The following TENM3 variants were observed in gnomAD, a reference collection of about 807,000 sequenced individuals.
TENM3 encodes teneurin-3.
TENM3 carries 63 observed loss-of-function variants against 255.1 expected under a neutral mutation model. The observed-to-expected ratio is 0.25, with a 90% CI of 0.20 to 0.30. The LOEUF is 0.30. Among genes scored for constraint, TENM3 ranks in the 10% least tolerant of loss-of-function variants. The pLI is 1.00. For synonymous variants in TENM3, 1,306 were observed against 1,322.3 expected (o/e 0.99, Z 0.27); for missense variants, 2,929 against 3,461.1 (o/e 0.85, Z 3.86).
chr4:182,435,561 T>A (rs1198628871), intron 3 of TENM3, among the ~76,000 whole-genome samples: 1 of 152,210 alleles, frequency 6.6e-6, no homozygotes, highest in Non-Finnish European at 1.5e-5. Context: ...GTCTCCAGCA[T>A]GGGAACAGGG....
intron 3 of TENM3, among the ~76,000 whole-genome samples, chr4:182,377,823 T>C (rs1326306390): frequency 2.6e-5 from 4 of 152,188 alleles, no homozygotes; most frequent in African/African-American, 9.7e-5. Context: ...TATCCTAGAC[T>C]CTGTGGGTAC....
At chr4:182,567,859 A>C (rs566615791) in intron 3 of TENM3, among the ~76,000 whole-genome samples, 14 of 148,820 alleles carry the variant, frequency 9.4e-5, no homozygotes, top group Admixed American at 7.4e-4. Context: ...AAAAAAAAAA[A>C]CAGAAATAGG....
the TENM3 span, among the ~76,000 whole-genome samples, chr4:181,662,814 A>G: frequency 1.3e-5 from 2 of 152,318 alleles, no homozygotes; most frequent in South Asian, 4.1e-4. Context: ...TTGCCCCATT[A>G]GGATTACTAT....
At chr4:182,352,070 T>A (rs972599464) in intron 3 of TENM3, among the ~76,000 whole-genome samples, 1 of 152,114 alleles carries the variant, frequency 6.6e-6, no homozygotes, top group African/African-American at 2.4e-5. Context: ...TAGATATCTA[T>A]AGATATCAAT....
chr4:181,767,124 C>A, the TENM3 span, among the ~76,000 whole-genome samples: 19 of 145,002 alleles, frequency 1.3e-4, no homozygotes, highest in Non-Finnish European at 2.6e-4. Context: ...TGGTGGCGGG[C>A]GCCTGTAGTC....
At chr4:182,769,450 G>A (rs769710122) in intron 22 of TENM3, among the ~76,000 whole-genome samples, 11 of 152,090 alleles carry the variant, frequency 7.2e-5, no homozygotes, top group Non-Finnish European at 1.6e-4. Context: ...AAATGATGTG[G>A]AGAATGTTTT....
intron 1 of TENM3, among the ~76,000 whole-genome samples, chr4:182,283,809 G>A (rs1760554575): frequency 6.6e-6 from 1 of 152,232 alleles, no homozygotes. Context: ...GGAGGTGATG[G>A]GTATGTGGGT....
chr4:181,850,209 C>T, the TENM3 span, among the ~76,000 whole-genome samples: 1 of 151,886 alleles, frequency 6.6e-6, no homozygotes, highest in African/African-American at 2.4e-5. Flanking sequence ...TCTCAATTCT[C>T]ATTTTTCTCC....
the TENM3 span, among the ~76,000 whole-genome samples, chr4:182,124,188 A>T: frequency 3.3e-5 from 5 of 152,092 alleles, no homozygotes; most frequent in Admixed American, 3.3e-4. Context: ...AGTAGCTGGG[A>T]CTACAGGCAC....
At chr4:182,656,111 T>C (rs1461582373) in intron 6 of TENM3, among the ~76,000 whole-genome samples, 1 of 152,196 alleles carries the variant, frequency 6.6e-6, no homozygotes, top group East Asian at 1.9e-4. Flanking sequence ...TTAGAGCACC[T>C]GTATATACAT....
the TENM3 span, among the ~76,000 whole-genome samples, chr4:181,493,386 T>C: frequency 3.9e-5 from 6 of 152,140 alleles, no homozygotes; most frequent in Admixed American, 3.9e-4. Context: ...AGAATTAATT[T>C]TCTTTTTGAC....
intron 22 of TENM3, among the ~76,000 whole-genome samples, chr4:182,771,502 G>C (rs963600169): frequency 3.0e-4 from 45 of 149,950 alleles, no homozygotes; most frequent in Non-Finnish European, 6.1e-4. Context: ...CTGAAATGGG[G>C]GGGGGGGAAA....
intron 1 of TENM3, among the ~76,000 whole-genome samples, chr4:182,276,594 C>T (rs1010335152): frequency 3.3e-5 from 5 of 152,150 alleles, no homozygotes; most frequent in South Asian, 2.1e-4. Context: ...TCCCACTGAA[C>T]GTGAACTAAT....
chr4:182,635,118 G>GTATT (rs1751737528), intron 5 of TENM3, among the ~76,000 whole-genome samples: 1 of 152,124 alleles, frequency 6.6e-6, no homozygotes, highest in Non-Finnish European at 1.5e-5. Context: ...AGCACCAAAG[G>GTATT]TATTTGTACA....
the TENM3 span, among the ~76,000 whole-genome samples, chr4:181,483,293 C>T: frequency 6.6e-6 from 1 of 152,090 alleles, no homozygotes; most frequent in Non-Finnish European, 1.5e-5. Context: ...TGCTGTGACA[C>T]TTCTCTGGTG....
At chr4:182,451,113 T>C (rs931572202) in intron 3 of TENM3, among the ~76,000 whole-genome samples, 1 of 152,188 alleles carries the variant, frequency 6.6e-6, no homozygotes, top group Non-Finnish European at 1.5e-5. Context: ...TTATAGTAAA[T>C]ATGGCCATAA....
rs995189536 is a variant in TENM3 at position 182,754,388 on chromosome 4, C to T, written c.4021C>T (p.Arg1341Cys). The T allele has an allele frequency of 1.6e-5, 25 of 1,590,598 alleles. No individual in the cohort carries two copies. Among genetic ancestry groups the T allele is most frequent in the South Asian group, 4.6e-5 (4 of 87,416 alleles). ...CDTSMHISQV[R>C]LEWPTDLAIN... is the part of the protein sequence containing the mutation. ...GGCCATTTCTTTTTTTATTAAGGTA[C>T]GTCTGGAATGGCCCACTGACCTAGC... The change falls in exon 22 of 28, where the codon CGT (arginine) becomes TGT (cysteine). Residue 1341 changes from arginine (R) to cysteine (C), a missense_variant. By Grantham distance (180) the Arg-to-Cys change is radical. This residue lies in a region of TENM3 where 1,608 missense variants were observed against 1,884.4 expected (regional missense o/e 0.85). Transcript: ENST00000511685. This position sits in a 1 kb window ranked among gnomAD's most constrained non-coding sequence, Gnocchi z 5.1.
intron 12 of TENM3, among the ~76,000 whole-genome samples, chr4:182,711,175 C>G (rs981518990): frequency 2.0e-5 from 3 of 152,016 alleles, no homozygotes; most frequent in Non-Finnish European, 4.4e-5. Context: ...CTTCTTTTTG[C>G]TTATTTATTA....
chr4:181,592,551 G>A, the TENM3 span, among the ~76,000 whole-genome samples: 1 of 152,110 alleles, frequency 6.6e-6, no homozygotes, highest in East Asian at 1.9e-4. Context: ...GTGACAGGAA[G>A]GAGTTTGTTC....
Sources: gnomAD v4.1 joint callset for allele counts (sites outside exome capture counted in the v4.1 genomes callset) on GRCh38, gnomAD v4.1.1 for gene constraint, gnomAD v4.1.1 regional missense constraint, Gnocchi (gnomAD v3.1) non-coding constraint, MANE v1.5 for transcripts, NCBI Gene and HGNC (gene_info 2026-07-23, HGNC 2026-07-21) for gene names.